ERN1: variants seen among roughly 807,000 people sequenced by gnomAD.
ERN1 encodes serine/threonine-protein kinase/endoribonuclease IRE1.
A neutral mutation model predicts 113.1 loss-of-function variants in ERN1; 39 were observed. The ratio of observed to expected loss-of-function variants is 0.34; its 90% CI spans 0.27 to 0.45. ERN1 has a LOEUF of 0.45. Among genes scored for constraint, ERN1 ranks in the 20% least tolerant of loss-of-function variants. The probability of loss-of-function intolerance (pLI) is 1.00; values close to 1 mark genes in which losing one functional copy is unlikely to be tolerated. For synonymous variants in ERN1, 507 were observed against 515.9 expected, an observed-to-expected ratio of 0.98 and a Z score of 0.23; for missense variants, 976 against 1,274.8, an observed-to-expected ratio of 0.77 and a Z score of 3.57.
chr17:64,062,116 T>C (rs537034027), intron 10 of ERN1, among the ~76,000 whole-genome samples: 2 of 152,354 alleles, frequency 1.3e-5, no homozygotes, highest in East Asian at 3.9e-4. Flanking sequence ...TCTATCATTA[T>C]CTCTTAGGTC....
At position 64,054,646 on chromosome 17, in the gene ERN1, C is replaced by T. The variant is rs1912797505; in HGVS notation, c.1763+92G>A. 2.7e-6 allele frequency: 3 copies of T among 1,113,216 alleles called. No individual in the cohort carries two copies. Among genetic ancestry groups the T allele is most frequent in the African/African-American group, 1.6e-5 (1 of 63,752 alleles). 69.0% of individuals were successfully genotyped at this position (1,113,216 alleles called of 1,614,324 possible). A position where few individuals can be genotyped will look rare whatever the true frequency, so the allele number is the denominator to read the frequency against. The stretch of plus-strand genomic sequence containing the variant: ...CATGCGTCTAGGTCACTGCTTTGAC[C>T]CTGCTGTGCTCTGAGCCTGGCACCA... On this transcript the variant is annotated intron_variant, in intron 14 of 21. Coordinates refer to ENST00000433197, the MANE Select transcript of ERN1 (RefSeq NM_001433.5). The surrounding 1 kb of genome is among the most constrained non-coding windows in gnomAD (Gnocchi z 4.9).
In ERN1 at chr17:64,130,096, C is replaced by G; in HGVS notation, c.-67G>C. ...GGACGGGGCGGGGGCGCCGCGACGA[C>G]AGCGAGGCGGTGACCGAGCCTCAGC... On this transcript the variant is annotated 5_prime_UTR_variant, in exon 1 of 22. Transcript: ENST00000433197. The surrounding 1 kb of genome is among the most constrained non-coding windows in gnomAD (Gnocchi z 4.0). 2 of 1,277,468 alleles carry G rather than the reference C, an allele frequency of 1.6e-6. No individual in the cohort carries two copies. The highest frequency in any genetic ancestry group is 6.3e-5 in the East Asian group (2 of 31,962). The allele number at this position is 1,277,468 out of a possible 1,614,324, so 79.1% of individuals were successfully genotyped here.
intron 2 of ERN1, among the ~76,000 whole-genome samples, chr17:64,095,839 C>G (rs149251586): frequency 9.2e-5 from 14 of 152,336 alleles, no homozygotes; most frequent in Non-Finnish European, 2.1e-4. Context: ...CTGCCTCCTT[C>G]GCTCTTCTCC....
rs564358813 is a variant in ERN1 at position 64,107,520 on chromosome 17, C to T, written c.55-9279G>A. ...CATTTTTTGTAGAGATGGGGTCCTA[C>T]TATGTTGCCCAGGCTGGTGTTGAAC... On this transcript the variant is annotated intron_variant, in intron 1 of 21. Coordinates refer to ENST00000433197, the MANE Select transcript of ERN1 (RefSeq NM_001433.5). 3.9e-5 allele frequency among the ~76,000 whole-genome samples: 6 copies of T among 152,116 alleles called. No individual in the cohort carries two copies. In the South Asian group the frequency reaches 1.2e-3, roughly 32 times the overall value.
intron 1 of ERN1, among the ~76,000 whole-genome samples, chr17:64,106,484 C>T (rs1448091925): frequency 6.6e-6 from 1 of 151,972 alleles, no homozygotes; most frequent in Non-Finnish European, 1.5e-5. Context: ...GCCAAAGCAC[C>T]TATCAAAAAA....
intron 8 of ERN1, 133 bp from the exon 9 acceptor site, chr17:64,065,420 G>C (rs1913190389): frequency 1.6e-6 from 1 of 624,232 alleles, no homozygotes; most frequent in African/African-American, 1.9e-5. Flanking sequence ...GAACGCAGTA[G>C]GGGTGTGAAG....
chr17:64,044,083 C>G lies in ERN1; in HGVS notation c.2839G>C (p.Ala947Pro). The G allele has an allele frequency of 6.2e-7, 1 of 1,613,494 alleles. No homozygotes were observed. The highest frequency in any genetic ancestry group is 8.5e-7 in the Non-Finnish European group (1 of 1,179,712). ...CTCTCGTGGCTGCACAGCTCCATGG[C>G]CCGGTAGGTGTGTGCGAGGAGGTGG... ...FPHLLAHTYR[A>P]MELCSHERLF... The change falls in exon 22 of 22, where the codon GCC becomes CCC. Residue 947 changes from alanine (A) to proline (P), a missense_variant. Transcript: ENST00000433197. This position sits in a 1 kb window ranked among gnomAD's most constrained non-coding sequence, Gnocchi z 4.1.
intron 1 of ERN1, among the ~76,000 whole-genome samples, chr17:64,118,539 C>G (rs955115305): frequency 5.9e-5 from 9 of 152,174 alleles, no homozygotes; most frequent in African/African-American, 2.2e-4. Flanking sequence ...GTGCCAAGCC[C>G]CATTCCAAGG....
chr17:64,117,181 GC>G (rs1414347772), intron 1 of ERN1, among the ~76,000 whole-genome samples: 2 of 152,042 alleles, frequency 1.3e-5, no homozygotes, highest in African/African-American at 4.8e-5. Context: ...AGTGGCTCAT[GC>G]CTGTAACCCC....
intron 2 of ERN1, among the ~76,000 whole-genome samples, chr17:64,095,195 T>G (rs1914195919): frequency 6.6e-6 from 1 of 152,152 alleles, no homozygotes; most frequent in South Asian, 2.1e-4. Flanking sequence ...TCCCAGCACT[T>G]TGAGAGGCAG....
At chr17:64,097,960 G>T in intron 2 of ERN1, 161 bp downstream of exon 2, 1 of 861,368 alleles carries the variant, frequency 1.2e-6, no homozygotes, top group Non-Finnish European at 1.8e-6. Context: ...AGCTATAAAC[G>T]TCCTTTGAGC....
At position 64,041,248 on chromosome 17, in the gene ERN1, A is replaced by G. The variant is rs1301050744; in HGVS notation, c.*2740T>C. The stretch of plus-strand genomic sequence containing the variant: ...GTGCCCAAGAGAGGTTTAGTAAGAC[A>G]AGATTTAAATAAGTCATAGTGTCCT... On this transcript the variant is annotated 3_prime_UTR_variant, in exon 22 of 22. Coordinates refer to ENST00000433197, the MANE Select transcript of ERN1 (RefSeq NM_001433.5). 1 of 152,266 alleles carries G rather than the reference A, an allele frequency of 6.6e-6. No homozygotes were observed. Among genetic ancestry groups the G allele is most frequent in the Non-Finnish European group, 1.5e-5 (1 of 68,044 alleles). The allele number at this position is 152,266 out of a possible 1,614,324, so 9.4% of individuals were successfully genotyped here.
At chr17:64,067,073 C>A in intron 7 of ERN1, 141 bp from the exon 8 acceptor site, 1 of 879,356 alleles carries the variant, frequency 1.1e-6, no homozygotes, top group Non-Finnish European at 1.7e-6. Context: ...TGAGCAATTT[C>A]ACTTGTTTCC....
intron 10 of ERN1, among the ~76,000 whole-genome samples, chr17:64,061,484 T>G (rs1354761067): frequency 2.0e-5 from 3 of 152,256 alleles, no homozygotes; most frequent in Non-Finnish European, 4.4e-5. Context: ...CATGCCAAGA[T>G]GACAACAAAC....
chr17:64,104,639 T>TG (rs1285124837), intron 1 of ERN1, among the ~76,000 whole-genome samples: 1 of 152,050 alleles, frequency 6.6e-6, no homozygotes, highest in Non-Finnish European at 1.5e-5. Flanking sequence ...GTCAACATAG[T>TG]GAAACCCTGT....
intron 1 of ERN1, among the ~76,000 whole-genome samples, chr17:64,123,714 T>C (rs1248372161): frequency 2.6e-5 from 4 of 152,126 alleles, no homozygotes; most frequent in East Asian, 3.8e-4. Context: ...TTCAAGAGTT[T>C]AGCAACAAGA....
chr17:64,069,018 C>G lies in ERN1; in HGVS notation c.479-727G>C, dbSNP rs372424340. ...CTATAAAGGGTCCAGGACTGAATAT[C>G]GCTGGAAAAGATTCTCAATATAAAA... On this transcript the variant is annotated intron_variant, in intron 6 of 21. Coordinates refer to ENST00000433197, the MANE Select transcript of ERN1 (RefSeq NM_001433.5). Among the ~76,000 whole-genome samples the G allele has an allele frequency of 5.3e-5, 8 of 152,070 alleles. No homozygotes were observed. The East Asian group carries it at 7.7e-4, about 15-fold the overall frequency.
intron 2 of ERN1, among the ~76,000 whole-genome samples, chr17:64,096,280 T>C (rs1914226619): frequency 6.6e-6 from 1 of 152,220 alleles, no homozygotes; most frequent in Admixed American, 6.5e-5. Flanking sequence ...GTGGCAGCAT[T>C]AGATTTTCAT....
rs368727696 is a variant in ERN1 at position 64,048,480 on chromosome 17, TATA to T, written c.2402-498_2402-496del. 6.4e-3 allele frequency among the ~76,000 whole-genome samples: 975 copies of T among 152,334 alleles called. 8 individuals are homozygous for T. The highest frequency in any genetic ancestry group is 0.023 in the African/African-American group (939 of 41,578). ...GGCCTTTATGCTAATCTGTGTTTTCTATAATAAGAAAAATTAAGCATAAACAAA... is the reference window on the plus strand; with the variant it reads ...GGCCTTTATGCTAATCTGTGTTTTCTATAAGAAAAATTAAGCATAAACAAA... On this transcript the variant is annotated intron_variant, in intron 18 of 21. Coordinates refer to ENST00000433197, the MANE Select transcript of ERN1 (RefSeq NM_001433.5).
Sources: gnomAD v4.1 joint callset for allele counts (sites outside exome capture counted in the v4.1 genomes callset) on GRCh38, gnomAD v4.1.1 for gene constraint, Gnocchi (gnomAD v3.1) non-coding constraint, MANE v1.5 for transcripts, NCBI Gene and HGNC (gene_info 2026-07-23, HGNC 2026-07-21) for gene names.